Variants in SLC25A21 observed in about 807,000 individuals in gnomAD.
SLC25A21 encodes the protein mitochondrial 2-oxodicarboxylate carrier.
In SLC25A21, 47 loss-of-function variants were observed where a neutral mutation model predicts 43.8. The ratio of observed to expected loss-of-function variants is 1.07; its 90% CI spans 0.85 to 1.37. SLC25A21 has a LOEUF of 1.37. Ranked by LOEUF, SLC25A21 falls within the 40% of genes most tolerant of loss-of-function variation. The pLI, the probability that SLC25A21 is intolerant of heterozygous loss-of-function variation, is 0.00. For synonymous variants in SLC25A21, 131 were observed against 121.3 expected, an observed-to-expected ratio of 1.08 and a Z score of -0.52; for missense variants, 352 against 350.2, an observed-to-expected ratio of 1.00 and a Z score of -0.04.
chr14:36,850,739 G>C (rs1242855527), intron 2 of SLC25A21, among the ~76,000 whole-genome samples: 1 of 152,150 alleles, frequency 6.6e-6, no homozygotes, highest in African/African-American at 2.4e-5. Flanking sequence ...ACGAAAGCCT[G>C]ACTAAAGTCT....
At chr14:36,847,635 C>G (rs1728809676) in intron 2 of SLC25A21, among the ~76,000 whole-genome samples, 1 of 152,114 alleles carries the variant, frequency 6.6e-6, no homozygotes, top group South Asian at 2.1e-4. Context: ...AGAGGACCCT[C>G]TGGGAGGTGG....
At chr14:37,077,507 A>G (rs1962305324) in intron 1 of SLC25A21, among the ~76,000 whole-genome samples, 1 of 152,328 alleles carries the variant, frequency 6.6e-6, no homozygotes, top group Admixed American at 6.5e-5. Flanking sequence ...ATTGAATTTT[A>G]GAACACGTGA....
chr14:36,850,048 T>C (rs1341913021), intron 2 of SLC25A21, among the ~76,000 whole-genome samples: 1 of 152,084 alleles, frequency 6.6e-6, no homozygotes, highest in Non-Finnish European at 1.5e-5. Flanking sequence ...TTGGCAATAC[T>C]TTGTGTGTGA....
chr14:36,740,274 C>CA (rs1885200248), intron 3 of SLC25A21, among the ~76,000 whole-genome samples: 1 of 152,138 alleles, frequency 6.6e-6, no homozygotes, highest in Non-Finnish European at 1.5e-5. Context: ...CATAAAACCC[C>CA]ATCCCATTAG....
At chr14:36,820,913 A>C (rs1224403781) in intron 2 of SLC25A21, among the ~76,000 whole-genome samples, 1 of 152,252 alleles carries the variant, frequency 6.6e-6, no homozygotes. Context: ...AATGAATCAG[A>C]GATTAACAGA....
chr14:36,935,156 G>A (rs1281408016), intron 1 of SLC25A21, among the ~76,000 whole-genome samples: 4 of 152,106 alleles, frequency 2.6e-5, no homozygotes, highest in African/African-American at 9.7e-5. Context: ...AACCCTGGCT[G>A]GTATAGAGTT....
At chr14:36,834,402 T>C (rs543505209) in intron 2 of SLC25A21, among the ~76,000 whole-genome samples, 1 of 152,348 alleles carries the variant, frequency 6.6e-6, no homozygotes, top group East Asian at 1.9e-4. Flanking sequence ...ACCTACCTAC[T>C]GCATGAACTT....
intron 1 of SLC25A21, among the ~76,000 whole-genome samples, chr14:36,939,335 C>T (rs1892501094): frequency 6.6e-6 from 1 of 152,042 alleles, no homozygotes; most frequent in African/African-American, 2.4e-5. Flanking sequence ...TACGAATTCT[C>T]TATCATGCAT....
intron 7 of SLC25A21, among the ~76,000 whole-genome samples, chr14:36,694,382 T>A (rs1004371964): frequency 9.2e-5 from 14 of 152,218 alleles, no homozygotes; most frequent in Admixed American, 5.2e-4. Flanking sequence ...TATGTGTGCA[T>A]GTGTCTTTAT....
chr14:37,154,629 T>C (rs1307006906), intron 1 of SLC25A21, among the ~76,000 whole-genome samples: 4 of 147,280 alleles, frequency 2.7e-5, no homozygotes, highest in African/African-American at 1.0e-4. Context: ...AGGGAAAATT[T>C]TACTAAAAGA....
intron 1 of SLC25A21, among the ~76,000 whole-genome samples, chr14:37,085,465 A>C (rs995427607): frequency 6.6e-6 from 1 of 152,168 alleles, no homozygotes; most frequent in Admixed American, 6.5e-5. Flanking sequence ...AAGTTTATAT[A>C]ATTTTATCTT....
intron 2 of SLC25A21, among the ~76,000 whole-genome samples, chr14:36,814,211 T>C (rs1297535380): frequency 6.6e-6 from 1 of 152,176 alleles, no homozygotes; most frequent in East Asian, 1.9e-4. Flanking sequence ...ATGAAATCTA[T>C]AGAAAAAAAA....
intron 1 of SLC25A21, among the ~76,000 whole-genome samples, chr14:37,141,656 A>G (rs1418831916): frequency 6.6e-6 from 1 of 152,206 alleles, no homozygotes; most frequent in Non-Finnish European, 1.5e-5. Flanking sequence ...CGTAAATGTT[A>G]GTAGCAAGTT....
At chr14:37,114,539 G>A (rs1248614295) in intron 1 of SLC25A21, among the ~76,000 whole-genome samples, 1 of 152,136 alleles carries the variant, frequency 6.6e-6, no homozygotes, top group African/African-American at 2.4e-5. Context: ...CTCTGAGGTT[G>A]TTCTAGTAAA....
chr14:37,022,922 A>G (rs991259547), intron 1 of SLC25A21, among the ~76,000 whole-genome samples: 1 of 152,046 alleles, frequency 6.6e-6, no homozygotes, highest in African/African-American at 2.4e-5. Flanking sequence ...AATAGCATAT[A>G]ATTATTTAAC....
chr14:36,776,238 C>CTTTTTTTTTTTTTTTTTTTTTTTTT (rs35856297), intron 3 of SLC25A21, among the ~76,000 whole-genome samples: 3 of 89,902 alleles, frequency 3.3e-5, no homozygotes, highest in South Asian at 3.7e-4. Context: ...TTCTTTCTTT[C>CTTTTTTTTTTTTTTTTTTTTTTTTT]TTTTTTTTTT....
intron 1 of SLC25A21, among the ~76,000 whole-genome samples, chr14:37,099,375 T>C (rs1348430290): frequency 6.6e-6 from 1 of 152,144 alleles, no homozygotes; most frequent in Non-Finnish European, 1.5e-5. Context: ...GGAAGGAAAT[T>C]TAATCCATAT....
intron 1 of SLC25A21, among the ~76,000 whole-genome samples, chr14:36,934,720 AAGAGAG>A (rs71124785): frequency 1.1e-4 from 16 of 150,524 alleles, no homozygotes; most frequent in Admixed American, 4.6e-4. Flanking sequence ...ACACAGAGAA[AAGAGAG>A]AGAGAGAGAG....
At chr14:37,084,780 A>C (rs948983035) in intron 1 of SLC25A21, among the ~76,000 whole-genome samples, 1 of 152,210 alleles carries the variant, frequency 6.6e-6, no homozygotes, top group Non-Finnish European at 1.5e-5. Context: ...CATAAAAAAC[A>C]GATTTAAAAT....
Sources: allele counts gnomAD v4.1 joint callset (sites outside exome capture counted in the v4.1 genomes callset), GRCh38; gene constraint gnomAD v4.1.1; transcripts MANE v1.5; gene names NCBI Gene and HGNC (gene_info 2026-07-23, HGNC 2026-07-21).